Variants in TNRC6B observed in about 807,000 individuals in gnomAD.
TNRC6B encodes trinucleotide repeat containing adaptor 6B, also known as trinucleotide repeat-containing gene 6B protein.
A neutral mutation model predicts 203.6 loss-of-function variants in TNRC6B; 52 were observed. That is an observed-to-expected ratio of 0.26 (90% CI 0.20 to 0.32). TNRC6B has a LOEUF of 0.32. Ranked by LOEUF, TNRC6B falls within the 10% of genes least tolerant of loss-of-function variation. The pLI, the probability that TNRC6B is intolerant of heterozygous loss-of-function variation, is 1.00. For synonymous variants in TNRC6B, 838 were observed against 845.7 expected (o/e 0.99, Z 0.16); for missense variants, 1,923 against 2,286.2 (o/e 0.84, Z 3.24).
chr22:40,179,668 T>C (rs2069108131), intron 1 of TNRC6B, among the ~76,000 whole-genome samples: 1 of 152,238 alleles, frequency 6.6e-6, no homozygotes, highest in African/African-American at 2.4e-5. Flanking sequence ...AGATGCTTAC[T>C]GGGCCTGAAA....
At chr22:40,239,722 G>A (rs763388078) in intron 1 of TNRC6B, among the ~76,000 whole-genome samples, 3 of 152,158 alleles carry the variant, frequency 2.0e-5, no homozygotes, top group Non-Finnish European at 2.9e-5. Flanking sequence ...GGATGTAGCC[G>A]GTTCCTAGGG....
chr22:40,057,612 A>C (rs185147401), intron 1 of TNRC6B, among the ~76,000 whole-genome samples: 2 of 152,128 alleles, frequency 1.3e-5, no homozygotes, highest in Non-Finnish European at 2.9e-5. Context: ...GTGTTTTGGC[A>C]TGTCTTTATT....
chr22:40,321,329 C>A, intron 22 of TNRC6B, 100 bp downstream of exon 22: 1 of 1,378,370 alleles, frequency 7.3e-7, no homozygotes, highest in Non-Finnish European at 9.9e-7. Context: ...AGAACATATA[C>A]GAAGAATGGC....
At chr22:40,229,431 C>A (rs1457711436) in intron 1 of TNRC6B, among the ~76,000 whole-genome samples, 1 of 151,762 alleles carries the variant, frequency 6.6e-6, no homozygotes, top group Non-Finnish European at 1.5e-5. Flanking sequence ...TTCCAGGTAT[C>A]CCTGTAGGAA....
intron 21 of TNRC6B, among the ~76,000 whole-genome samples, chr22:40,317,332 C>G (rs1172679276): frequency 6.6e-6 from 1 of 152,194 alleles, no homozygotes; most frequent in East Asian, 1.9e-4. Context: ...GTAATCCCAG[C>G]ACTTTGGGAG....
At chr22:40,083,249 A>G (rs758369339) in intron 1 of TNRC6B, among the ~76,000 whole-genome samples, 1 of 152,218 alleles carries the variant, frequency 6.6e-6, no homozygotes, top group Non-Finnish European at 1.5e-5. Context: ...ATCCCAGGAC[A>G]GTGACTGGCC....
At chr22:40,189,504 A>G (rs1281245009) in intron 1 of TNRC6B, among the ~76,000 whole-genome samples, 1 of 151,260 alleles carries the variant, frequency 6.6e-6, no homozygotes, top group African/African-American at 2.5e-5. Flanking sequence ...TGCCCAAAAA[A>G]AAAAAAAAAA....
intron 1 of TNRC6B, among the ~76,000 whole-genome samples, chr22:40,072,355 A>C (rs921954595): frequency 6.6e-5 from 10 of 152,308 alleles, no homozygotes; most frequent in Admixed American, 3.3e-4. Flanking sequence ...TCTCAAGGTA[A>C]GCATGTGGGC....
chr22:40,136,911 TAA>T (rs1319092796), intron 3 of TNRC6B, among the ~76,000 whole-genome samples: 2 of 152,190 alleles, frequency 1.3e-5, no homozygotes, highest in East Asian at 3.8e-4. Flanking sequence ...CTACAGAGAA[TAA>T]AGTCATCTGT....
chr22:40,251,092 A>T (rs2070185663), intron 2 of TNRC6B, 87 bp from the exon 3 acceptor site: 1 of 1,139,742 alleles, frequency 8.8e-7, no homozygotes, highest in Non-Finnish European at 1.2e-6. Context: ...AGCTTGGATT[A>T]CTTGAGTTAT....
At chr22:40,268,504 A>G (rs941880116) in intron 5 of TNRC6B, among the ~76,000 whole-genome samples, 1 of 152,190 alleles carries the variant, frequency 6.6e-6, no homozygotes, top group African/African-American at 2.4e-5. Context: ...TGAGGAAGGA[A>G]ATGAAGATTT....
chr22:40,145,726 C>A (rs1601840330), intron 3 of TNRC6B, among the ~76,000 whole-genome samples: 1 of 152,176 alleles, frequency 6.6e-6, no homozygotes, highest in South Asian at 2.1e-4. Flanking sequence ...CCTGTAGTCC[C>A]AGCTACTTGG....
intron 1 of TNRC6B, among the ~76,000 whole-genome samples, chr22:40,184,477 C>G (rs1397548979): frequency 6.6e-6 from 1 of 152,052 alleles, no homozygotes; most frequent in Non-Finnish European, 1.5e-5. Flanking sequence ...AAAACTAAGC[C>G]TTGACCAGAT....
At chr22:40,164,760 C>CA (rs550507661) in intron 4 of TNRC6B, among the ~76,000 whole-genome samples, 118 of 90,254 alleles carry the variant, frequency 1.3e-3, no homozygotes, top group Middle Eastern at 0.01. Context: ...AATTCTGTCT[C>CA]AAAAAAAAAA....
rs552711379 is a variant in TNRC6B at position 40,270,579 on chromosome 22, A to G, written c.2965+299A>G. Among the ~76,000 whole-genome samples, 4 of 152,090 alleles carry G rather than the reference A, an allele frequency of 2.6e-5. No individual in the cohort carries two copies. In the South Asian group the frequency reaches 6.2e-4, roughly 24 times the overall value. On this transcript the variant is annotated intron_variant, in intron 6 of 22. Transcript: ENST00000454349. ...GTGATCCACCCGCCTTGGCCTCCCA[A>G]AGTCCTGGGACTACAGGCGTGAGCC...
intron 3 of TNRC6B, among the ~76,000 whole-genome samples, chr22:40,146,210 G>A (rs2068694224): frequency 6.6e-6 from 1 of 152,160 alleles, no homozygotes; most frequent in Non-Finnish European, 1.5e-5. Flanking sequence ...ATTCGTGGTT[G>A]GGGAGACAGA....
At chr22:40,073,141 GTT>G (rs554246963) in intron 1 of TNRC6B, among the ~76,000 whole-genome samples, 4,814 of 108,608 alleles carry the variant, frequency 0.044, 259 homozygotes, top group African/African-American at 0.15. Context: ...TAGGGCCTTG[GTT>G]TTTTTTTTTT....
chr22:40,273,644 A>G (rs733381), intron 7 of TNRC6B, 44 bp downstream of exon 7: 332,657 of 1,506,996 alleles, frequency 0.22, 39,975 homozygotes, highest in Admixed American at 0.44. Flanking sequence ...TCGCTCTGAG[A>G]AGGCAGAACT....
At chr22:40,311,021 G>A (rs890131321) in intron 17 of TNRC6B, 28 bp downstream of exon 17, 13 of 1,584,368 alleles carry the variant, frequency 8.2e-6, no homozygotes, top group African/African-American at 2.7e-5. Context: ...CTTTTCCCAG[G>A]ATAGCATTTG....
Sources: allele counts gnomAD v4.1 joint callset (sites outside exome capture counted in the v4.1 genomes callset), GRCh38; gene constraint gnomAD v4.1.1; transcripts MANE v1.5; gene names NCBI Gene and HGNC (gene_info 2026-07-23, HGNC 2026-07-21).